Variants in DHRS4L2 observed in about 807,000 individuals in gnomAD.
DHRS4L2 encodes the protein dehydrogenase/reductase SDR family member 4-like 2.
DHRS4L2 carries 22 observed loss-of-function variants against 23.9 expected under a neutral mutation model. That is an observed-to-expected ratio of 0.92 (90% CI 0.66 to 1.31). The LOEUF (loss-of-function observed/expected upper bound fraction) is 1.31, where lower values mean the gene tolerates loss of function less well. DHRS4L2 is among the 40% of genes most tolerant of loss of function. The pLI is 0.00. For missense variants in DHRS4L2, 385 were observed against 303.3 expected (o/e 1.27, Z -2.00); for synonymous variants, 141 against 123.7 (o/e 1.14, Z -0.93).
chr14:23,988,740 G>C (rs1395663385), upstream of DHRS4L2: 71 of 1,365,502 alleles, frequency 5.2e-5, 1 homozygote, highest in Non-Finnish European at 6.6e-5. Context: ...AGCCCGGGAA[G>C]GCAAGCCCCA....
At chr14:23,987,965 G>C (rs1356953217), upstream of DHRS4L2, among the ~76,000 whole-genome samples, 4 of 151,666 alleles carry the variant, frequency 2.6e-5, no homozygotes, top group Admixed American at 1.3e-4. Context: ...GGCAGAAGTG[G>C]AGACTGAAGT....
chr14:23,972,861 C>A (rs116145804), intron 1 of DHRS4L2, among the ~76,000 whole-genome samples: 5,206 of 151,840 alleles, frequency 0.034, 218 homozygotes, highest in African/African-American at 0.11. Flanking sequence ...CATCATAATT[C>A]AGTTCAAGGG....
Position 23,981,135 on chromosome 14 carries a change from A to C in DHRS4L2, c.-175-9047A>C, listed in dbSNP as rs909449700. On this transcript the variant is annotated intron_variant, in intron 1 of 5. Coordinates refer to the DHRS4L2 transcript ENST00000534993. ...CTCAGGATACAAAATCAATGTGCAA[A>C]AATCAGAAGCATTCCTATATGCCAA... Among the ~76,000 whole-genome samples the C allele has an allele frequency of 2.5e-4, 38 of 151,684 alleles. 1 individual carries two copies. The highest frequency in any genetic ancestry group is 9.2e-4 in the African/African-American group (38 of 41,314).
chr14:23,993,089 G>A (rs2034301593), intron 2 of DHRS4L2, among the ~76,000 whole-genome samples: 1 of 149,676 alleles, frequency 6.7e-6, no homozygotes, highest in Non-Finnish European at 1.5e-5. Context: ...CAGCAGAGTA[G>A]AAAATGTCTC....
At chr14:23,988,318 G>C (rs1183442699), upstream of DHRS4L2, among the ~76,000 whole-genome samples, 1 of 148,302 alleles carries the variant, frequency 6.7e-6, no homozygotes, top group Non-Finnish European at 1.5e-5. Context: ...ATGAGATCCT[G>C]TTTTGCCAAT....
chr14:23,988,800 G>A (rs2034200557), upstream of DHRS4L2: 1 of 1,403,686 alleles, frequency 7.1e-7, no homozygotes, highest in Non-Finnish European at 9.3e-7. Context: ...GCGGGCGGCG[G>A]GAGGCGCCAA....
At chr14:23,971,155 A>G (rs576137613) in intron 1 of DHRS4L2, among the ~76,000 whole-genome samples, 20 of 152,090 alleles carry the variant, frequency 1.3e-4, no homozygotes, top group East Asian at 7.7e-4. Flanking sequence ...TAAGTTTGAT[A>G]ACTTGACAGA....
chr14:23,986,881 A>C (rs1180755441), upstream of DHRS4L2, among the ~76,000 whole-genome samples: 1 of 151,644 alleles, frequency 6.6e-6, no homozygotes, highest in Non-Finnish European at 1.5e-5. Context: ...GCAAGAGCAC[A>C]AGGAGTGTGG....
In DHRS4L2 at chr14:23,990,116, G is replaced by A. The variant is rs2034234882; in HGVS notation, c.129-66G>A. ...TCAAACCCGGGCAGTCTTAACTTCA[G>A]AGCCCATGCTGTCGACCTCTTCCCC... On this transcript the variant is annotated intron_variant, in intron 1 of 7. Coordinates refer to ENST00000335125, the MANE Select transcript of DHRS4L2 (RefSeq NM_198083.4). 1.9e-6 allele frequency: 3 copies of A among 1,593,912 alleles called. No homozygotes were observed. In the East Asian group the frequency reaches 6.7e-5, roughly 36 times the overall value.
chr14:24,004,740 T>C lies in DHRS4L2; in HGVS notation c.*22+348T>C, dbSNP rs917121553. The C allele has an allele frequency of 1.0e-4, 36 of 359,658 alleles. 1 individual carries two copies. The highest frequency in any genetic ancestry group is 1.5e-4 in the Non-Finnish European group (32 of 207,576). 22.3% of individuals were successfully genotyped at this position (359,658 alleles called of 1,614,324 possible). ...GTTAGTCCCCTTGAATAATGACACATGTTTACAAAACTCAGGTTGATGATC... is the reference window on the plus strand; with the variant it reads ...GTTAGTCCCCTTGAATAATGACACACGTTTACAAAACTCAGGTTGATGATC... On this transcript the variant is annotated intron_variant, in intron 7 of 7. Transcript: ENST00000335125.
At chr14:23,970,221 C>G (rs538791048) in exon 1 of DHRS4L2, 3 of 454,082 alleles carry the variant, frequency 6.6e-6, no homozygotes, top group South Asian at 3.1e-5. Flanking sequence ...CACCCCGGCC[C>G]GGTGCCTCAC....
chr14:24,004,061 G>C (rs1375154602), intron 6 of DHRS4L2, among the ~76,000 whole-genome samples: 1 of 135,434 alleles, frequency 7.4e-6, no homozygotes, highest in African/African-American at 3.2e-5. Context: ...ACGAGGTCAG[G>C]AGGTCGAGAC....
upstream of DHRS4L2, among the ~76,000 whole-genome samples, chr14:23,986,058 A>T (rs1397069107): frequency 1.3e-5 from 2 of 151,198 alleles, no homozygotes; most frequent in African/African-American, 2.4e-5. Flanking sequence ...AGGTTTCATC[A>T]TCTCAGCCAG....
upstream of DHRS4L2, among the ~76,000 whole-genome samples, chr14:23,986,350 G>A (rs1216288587): frequency 1.3e-5 from 2 of 151,282 alleles, no homozygotes; most frequent in African/African-American, 4.9e-5. Context: ...ACACACTGGG[G>A]CCTGTCGTGG....
rs555981547 is a variant in DHRS4L2 at position 23,982,091 on chromosome 14, C to T, written c.-175-8091C>T. Among the ~76,000 whole-genome samples the T allele has an allele frequency of 9.2e-5, 14 of 151,774 alleles. No individual in the cohort carries two copies. In the South Asian group the frequency reaches 1.3e-3, roughly 14 times the overall value. On this transcript the variant is annotated intron_variant, in intron 1 of 5. Transcript: ENST00000534993. ...CCTTCATGGGTGTCGGGCTGGGGGA[C>T]GGTCAGGGCTCTCCCATCCCACGTG...
At position 23,990,234 on chromosome 14, in the gene DHRS4L2, G is replaced by C. The variant is rs45579231; in HGVS notation, c.181G>C (p.Val61Leu). Reference protein sequence around the residue: ...RLAQDRAHVVVSSRKQQNVDQ... With the variant: ...RLAQDRAHVVLSSRKQQNVDQ... ...GGCCCAGGACAGGGCCCACGTGGTCGTCAGCAGCCGGAAGCAGCAGAATGT... is the reference window on the plus strand; with the variant it reads ...GGCCCAGGACAGGGCCCACGTGGTCCTCAGCAGCCGGAAGCAGCAGAATGT... The change falls in exon 2 of 8, where the codon GTC (valine) becomes CTC (leucine). Residue 61 changes from valine (V) to leucine (L), a missense_variant. Physicochemically the swap from Val to Leu is conservative, Grantham distance 32. Transcript: ENST00000335125. 35,541 of 1,612,852 alleles carry C rather than the reference G, an allele frequency of 0.022. 1,159 individuals carry two copies. The highest frequency in any genetic ancestry group is 0.028 in the Non-Finnish European group (32,748 of 1,179,378).
In DHRS4L2 at chr14:23,999,500, A is replaced by G. The variant is rs533479281; in HGVS notation, c.409-1363A>G. 9.7e-4 allele frequency among the ~76,000 whole-genome samples: 145 copies of G among 149,970 alleles called. 3 individuals are homozygous for G. Among genetic ancestry groups the G allele is most frequent in the Admixed American group, 9.1e-3 (137 of 15,094 alleles). ...GATCCTTGATTGAACTCTGGACTTT[A>G]AAAAACACACACACACATTTGGGGG... On this transcript the variant is annotated intron_variant, in intron 3 of 7. Transcript: ENST00000335125.
chr14:24,001,468 A>C lies in DHRS4L2; in HGVS notation c.616A>C (p.Arg206=). The C allele has an allele frequency of 6.2e-7, 1 of 1,605,094 alleles. No individual in the cohort carries two copies. The highest frequency in any genetic ancestry group is 8.5e-7 in the Non-Finnish European group (1 of 1,178,722). The change falls in exon 6 of 8, where the codon AGG becomes CGG. Residue 206 remains arginine (R), a synonymous_variant. Transcript: ENST00000335125. The stretch of plus-strand genomic sequence containing the variant: ...CATAGAGCTGGCCCCAAGGAACATT[A>C]GGGTGAACTGCCTGCACCTGGACTT... ...LAIELAPRNI[R]VNCLHLDLSR... is the part of the protein sequence containing the mutation.
At chr14:24,000,756 C>T (rs1373152334) in intron 3 of DHRS4L2, 107 bp from the exon 4 acceptor site, 24 of 940,578 alleles carry the variant, frequency 2.6e-5, no homozygotes, top group African/African-American at 5.1e-5. Flanking sequence ...CTAAGATCTT[C>T]GTCAGCTCTG....
Sources: allele counts gnomAD v4.1 joint callset (sites outside exome capture counted in the v4.1 genomes callset), GRCh38; gene constraint gnomAD v4.1.1; transcripts MANE v1.5; gene names NCBI Gene and HGNC (gene_info 2026-07-23, HGNC 2026-07-21).